SH3BP2: variants seen among roughly 807,000 people sequenced by gnomAD.
SH3BP2 encodes SH3 domain binding protein 2.
Under a neutral mutation model 56.2 loss-of-function variants are expected in SH3BP2, and 38 were observed. The observed-to-expected ratio is 0.68, with a 90% CI of 0.52 to 0.89. The LOEUF (loss-of-function observed/expected upper bound fraction) is 0.89. Ranked by LOEUF, SH3BP2 falls within the 40% of genes least tolerant of loss-of-function variation. The pLI is 0.00. For missense variants in SH3BP2, 748 were observed against 762.6 expected, an observed-to-expected ratio of 0.98 and a Z score of 0.23; for synonymous variants, 346 against 316.7, an observed-to-expected ratio of 1.09 and a Z score of -0.98.
chr4:2,825,010 G>T, intron 4 of SH3BP2, 116 bp from the exon 5 acceptor site: 1 of 958,984 alleles, frequency 1.0e-6, no homozygotes, highest in Non-Finnish European at 1.6e-6. Context: ...ATCCAGCCGG[G>T]TCGCCTCCTC....
At chr4:2,820,935 C>T (rs1724271211) in intron 2 of SH3BP2, among the ~76,000 whole-genome samples, 182 bp downstream of exon 2, 1 of 152,170 alleles carries the variant, frequency 6.6e-6, no homozygotes, top group Non-Finnish European at 1.5e-5. Flanking sequence ...GCCCCCAGGA[C>T]TGTAGCAGGG....
At position 2,831,357 on chromosome 4, in the gene SH3BP2, C is replaced by G. The variant is rs1486662220; in HGVS notation, c.1242-214C>G. 6.6e-6 allele frequency among the ~76,000 whole-genome samples: 1 copy of G among 152,190 alleles called. No individual in the cohort carries two copies. The highest frequency in any genetic ancestry group is 2.4e-5 in the African/African-American group (1 of 41,440). On this transcript the variant is annotated intron_variant, in intron 8 of 12. Coordinates refer to ENST00000503393, the MANE Select transcript of SH3BP2 (RefSeq NM_001122681.2). The surrounding 1 kb of genome is among the most constrained non-coding windows in gnomAD (Gnocchi z 4.1). ...TGCCAGCATCCATGGCAGCCCTGACCCCTGACTCCGGTGTCGGGCGATTCC... is the reference window on the plus strand; with the variant it reads ...TGCCAGCATCCATGGCAGCCCTGACGCCTGACTCCGGTGTCGGGCGATTCC...
In SH3BP2 at chr4:2,836,256, AGT is replaced by A. The variant is rs971829698; in HGVS notation, c.*2427_*2428del. 5.3e-5 allele frequency: 8 copies of A among 152,076 alleles called. No individual in the cohort carries two copies. Among genetic ancestry groups the A allele is most frequent in the African/African-American group, 1.7e-4 (7 of 41,336 alleles). 9.4% of individuals were successfully genotyped at this position (152,076 alleles called of 1,614,324 possible). A position where few individuals can be genotyped will look rare whatever the true frequency, so the allele number is the denominator to read the frequency against. On this transcript the variant is annotated 3_prime_UTR_variant, in exon 13 of 13. Coordinates refer to ENST00000503393, the MANE Select transcript of SH3BP2 (RefSeq NM_001122681.2). ...CTAGGCCGAGGGCCTCAGTTTCAAG[AGT>A]GTGTTGGGGTGGGATGGGGCAGGCC...
Position 2,831,807 on chromosome 4 carries a change from G to A in SH3BP2, c.1351-116G>A. ...ACCCCCCGAGAACCCGGGAGCCTAG[G>A]GGGACACAGCACCATGTAAAGCCCC... is the stretch of plus-strand genomic sequence containing the variant. On this transcript the variant is annotated intron_variant, in intron 9 of 12. Coordinates refer to ENST00000503393, the MANE Select transcript of SH3BP2 (RefSeq NM_001122681.2). This position sits in a 1 kb window ranked among gnomAD's most constrained non-coding sequence, Gnocchi z 4.1. 2 of 1,379,972 alleles carry A rather than the reference G, an allele frequency of 1.4e-6. No homozygotes were observed. The highest frequency in any genetic ancestry group is 2.4e-5 in the East Asian group (1 of 41,042). The allele number at this position is 1,379,972 out of a possible 1,614,324, so 85.5% of individuals were successfully genotyped here.
rs1725315256 is a variant in SH3BP2 at position 2,838,658 on chromosome 4, A to G, written c.*4824A>G. ...TGTTTGCGATTTTTTTTTTTAGCTC[A>G]TCAGCTATAGTTAGTGGTAGTGTAT... On this transcript the variant is annotated 3_prime_UTR_variant, in exon 13 of 13. Coordinates refer to ENST00000503393, the MANE Select transcript of SH3BP2 (RefSeq NM_001122681.2). 7.1e-6 allele frequency: 1 copy of G among 141,638 alleles called. No homozygotes were observed. The highest frequency in any genetic ancestry group is 3.1e-5 in the African/African-American group (1 of 32,510). The allele number at this position is 141,638 out of a possible 1,614,324, so 8.8% of individuals were successfully genotyped here. A position where few individuals can be genotyped will look rare whatever the true frequency, so the allele number is the denominator to read the frequency against.
rs1167265764 is a variant in SH3BP2, at chr4:2,831,680, G to T, written c.1350+1G>T. 1 of 1,585,280 alleles carries T rather than the reference G, an allele frequency of 6.3e-7. No homozygotes were observed. Among genetic ancestry groups the T allele is most frequent in the Admixed American group, 1.8e-5 (1 of 56,872 alleles). On this transcript the variant is annotated splice_donor_variant, in intron 9 of 12. Coordinates refer to ENST00000503393, the MANE Select transcript of SH3BP2 (RefSeq NM_001122681.2). LOFTEE classifies it high-confidence loss of function. The surrounding 1 kb of genome is among the most constrained non-coding windows in gnomAD (Gnocchi z 4.1). ...CGACTCGGACGAGGACTATGAGAAGGCAAGGCTGAGCGGCAAGCCTGGGTC... is the reference window on the plus strand; with the variant it reads ...CGACTCGGACGAGGACTATGAGAAGTCAAGGCTGAGCGGCAAGCCTGGGTC...
At chr4:2,824,514 C>T (rs749756287) in intron 3 of SH3BP2, 99 bp from the exon 4 acceptor site, 30 of 876,122 alleles carry the variant, frequency 3.4e-5, no homozygotes, top group Admixed American at 1.2e-4. Context: ...TCCGTTGGGG[C>T]GTGGTGCTGG....
intron 1 of SH3BP2, chr4:2,817,817 AG>A (rs1374228153): frequency 6.6e-6 from 1 of 152,214 alleles, no homozygotes; most frequent in Non-Finnish European, 1.5e-5. Flanking sequence ...CCCTCCATGC[AG>A]GTGCCGTTTT....
At chr4:2,814,508 A>G (rs974312860) in intron 1 of SH3BP2, among the ~76,000 whole-genome samples, 1 of 152,168 alleles carries the variant, frequency 6.6e-6, no homozygotes, top group Non-Finnish European at 1.5e-5. Flanking sequence ...GCACACACAC[A>G]CACACACGCA....
Position 2,833,808 on chromosome 4 carries a change from C to T in SH3BP2, c.1660C>T (p.Pro554Ser), listed in dbSNP as rs567040746. ...CCACCAGAGCCTGCTGCTGCGGCAC[C>T]CCTACGGCTACACTGGGCCTAGGTG... ...PSHQSLLLRH[P>S]YGYTGPR The change falls in exon 13 of 13, where the codon CCC becomes TCC. Residue 554 changes from proline to serine, a missense_variant. Coordinates refer to ENST00000503393, the MANE Select transcript of SH3BP2 (RefSeq NM_001122681.2). 6.3e-7 allele frequency: 1 copy of T among 1,585,504 alleles called. No homozygotes were observed. Among genetic ancestry groups the T allele is most frequent in the Non-Finnish European group, 8.6e-7 (1 of 1,165,988 alleles).
intron 1 of SH3BP2, among the ~76,000 whole-genome samples, chr4:2,803,154 G>T (rs1018334760): frequency 1.3e-5 from 2 of 152,184 alleles, no homozygotes; most frequent in African/African-American, 4.8e-5. Flanking sequence ...GCCACTTACT[G>T]CTATACGGTC....
chr4:2,812,118 G>A, intron 1 of SH3BP2: 1 of 1,310,204 alleles, frequency 7.6e-7, no homozygotes, highest in Non-Finnish European at 1.0e-6. Flanking sequence ...GGCAGGAGCA[G>A]TGGAAGGTAG....
chr4:2,812,202 G>A, intron 1 of SH3BP2: 1 of 1,472,862 alleles, frequency 6.8e-7, no homozygotes, highest in Non-Finnish European at 9.0e-7. Context: ...CAGGGTAGAA[G>A]GCAGGAAGTG....
In SH3BP2 at chr4:2,829,864, G is replaced by A. The variant is rs754455567; in HGVS notation, c.958G>A (p.Ala320Thr). Reference protein sequence around the residue: ...PGHGACSTSSAAIMATATSRN... With the variant: ...PGHGACSTSSTAIMATATSRN... ...CCACGGGGCCTGCTCCACTTCCAGT[G>A]CTGCCATCATGGCCACTGCCACCTC... is the stretch of plus-strand genomic sequence containing the variant. Residue 320 changes from alanine (A) to threonine (T), a missense_variant, in exon 8 of 13, where the codon GCT (alanine) becomes ACT (threonine). Around this residue, in one of 3 missense-constraint regions of SH3BP2, gnomAD observed 635 missense variants for 615.0 expected, o/e 1.03. Transcript: ENST00000503393. This position sits in a 1 kb window ranked among gnomAD's most constrained non-coding sequence, Gnocchi z 4.9. The A allele has an allele frequency of 1.2e-6, 2 of 1,613,770 alleles. No homozygotes were observed. The highest frequency in any genetic ancestry group is 1.3e-5 in the African/African-American group (1 of 75,026).
rs186646829 is a variant in SH3BP2, at chr4:2,798,489, C to A, written c.-5+5351C>A. Reference sequence around the variant, plus strand: ...AGACCAGGCTCAGAGCCAGAGGAGGCAGGCCAGGAAACTCGGCACTCATCT... The same window carrying A: ...AGACCAGGCTCAGAGCCAGAGGAGGAAGGCCAGGAAACTCGGCACTCATCT... On this transcript the variant is annotated intron_variant, in intron 1 of 12. Coordinates refer to ENST00000503393, the MANE Select transcript of SH3BP2 (RefSeq NM_001122681.2). The A allele has an allele frequency of 8.2e-3, 1,243 of 152,392 alleles. 11 individuals are homozygous for A. The highest frequency in any genetic ancestry group is 0.017 in the Middle Eastern group (5 of 294). The allele number at this position is 152,392 out of a possible 1,614,324, so 9.4% of individuals were successfully genotyped here.
At chr4:2,797,886 A>G (rs1332914306) in intron 1 of SH3BP2, among the ~76,000 whole-genome samples, 3 of 152,182 alleles carry the variant, frequency 2.0e-5, no homozygotes, top group East Asian at 1.9e-4. Flanking sequence ...AGCTCTTTGA[A>G]GGTGGCTTGT....
chr4:2,831,781 G>C lies in SH3BP2; in HGVS notation c.1350+102G>C, dbSNP rs973314466. On this transcript the variant is annotated intron_variant, in intron 9 of 12. Coordinates refer to ENST00000503393, the MANE Select transcript of SH3BP2 (RefSeq NM_001122681.2). The surrounding 1 kb of genome is among the most constrained non-coding windows in gnomAD (Gnocchi z 4.1). ...CCCCTCACAGACCGTCCTGAGCAAG[G>C]ACCCCCCGAGAACCCGGGAGCCTAG... 14 of 1,345,752 alleles carry C rather than the reference G, an allele frequency of 1.0e-5. No homozygotes were observed. The highest frequency in any genetic ancestry group is 2.9e-5 in the African/African-American group (2 of 69,056). The allele number at this position is 1,345,752 out of a possible 1,614,324, so 83.4% of individuals were successfully genotyped here.
chr4:2,820,855 T>C (rs1724265034), intron 2 of SH3BP2, 102 bp downstream of exon 2: 1 of 1,333,510 alleles, frequency 7.5e-7, no homozygotes, highest in Admixed American at 2.3e-5. Context: ...TCACATGGTG[T>C]GCCCTCTGGA....
At chr4:2,821,484 G>A (rs1352170297) in intron 2 of SH3BP2, among the ~76,000 whole-genome samples, 4 of 152,230 alleles carry the variant, frequency 2.6e-5, no homozygotes, top group Non-Finnish European at 5.9e-5. Flanking sequence ...GGTGGTTTCA[G>A]TGTAACTTTC....
Sources: allele counts gnomAD v4.1 joint callset (sites outside exome capture counted in the v4.1 genomes callset), GRCh38; gene constraint gnomAD v4.1.1; regional missense constraint gnomAD v4.1.1; non-coding constraint Gnocchi (gnomAD v3.1); transcripts MANE v1.5; gene names NCBI Gene and HGNC (gene_info 2026-07-23, HGNC 2026-07-21).